Variants in DZIP3 observed in about 807,000 individuals in gnomAD.
DZIP3 encodes the protein E3 ubiquitin-protein ligase DZIP3.
A neutral mutation model predicts 162.0 loss-of-function variants in DZIP3; 118 were observed. The ratio of observed to expected loss-of-function variants is 0.73; its 90% CI spans 0.63 to 0.85. DZIP3 has a LOEUF of 0.85. Ranked by LOEUF, DZIP3 falls within the 40% of genes least tolerant of loss-of-function variation. DZIP3 has a pLI of 0.00. For synonymous variants in DZIP3, 438 were observed against 458.6 expected, an observed-to-expected ratio of 0.96 and a Z score of 0.57; for missense variants, 1,331 against 1,407.0, an observed-to-expected ratio of 0.95 and a Z score of 0.86.
chr3:108,653,637 A>G (rs948409903), intron 18 of DZIP3, among the ~76,000 whole-genome samples: 1 of 151,182 alleles, frequency 6.6e-6, no homozygotes. Flanking sequence ...TTCTGTTACA[A>G]AAGAAACCTC....
chr3:108,637,884 C>T (rs983580350), intron 12 of DZIP3, among the ~76,000 whole-genome samples: 12 of 152,160 alleles, frequency 7.9e-5, no homozygotes, highest in African/African-American at 2.7e-4. Flanking sequence ...GCTTGTCTTA[C>T]AATTAGAATC....
At chr3:108,620,936 C>G (rs1030701917) in intron 5 of DZIP3, among the ~76,000 whole-genome samples, 3 of 152,182 alleles carry the variant, frequency 2.0e-5, no homozygotes. Context: ...ATTCTTCTGC[C>G]TCAGCCTCCC....
At chr3:108,653,505 GTGTATATATATATA>G (rs1165352887) in intron 18 of DZIP3, among the ~76,000 whole-genome samples, 29 of 67,838 alleles carry the variant, frequency 4.3e-4, no homozygotes, top group African/African-American at 1.6e-3. Flanking sequence ...TTGTGTGTGT[GTGTATATATATATA>G]TATATATATA....
Position 108,653,231 on chromosome 3 carries a change from C to A in DZIP3, c.2034-914C>A, listed in dbSNP as rs78084600. The stretch of plus-strand genomic sequence containing the variant: ...AGTAATACCTAATTACTGCTTATAT[C>A]GTGTTTTATGAATTATTCCACAAGC... On this transcript the variant is annotated intron_variant, in intron 18 of 32. Coordinates refer to ENST00000361582, the MANE Select transcript of DZIP3 (RefSeq NM_014648.4). 6.9e-3 allele frequency among the ~76,000 whole-genome samples: 1,042 copies of A among 151,648 alleles called. 5 individuals are homozygous for A. Among genetic ancestry groups the A allele is most frequent in the African/African-American group, 0.024 (982 of 41,426 alleles).
chr3:108,592,106 G>C (rs1939456009), intron 1 of DZIP3, among the ~76,000 whole-genome samples: 1 of 152,128 alleles, frequency 6.6e-6, no homozygotes, highest in South Asian at 2.1e-4. Flanking sequence ...GGTCTAGTCA[G>C]GTTTGTTTTT....
chr3:108,662,609 C>A (rs1559768680), intron 21 of DZIP3, among the ~76,000 whole-genome samples: 2 of 152,140 alleles, frequency 1.3e-5, no homozygotes, highest in African/African-American at 2.4e-5. Flanking sequence ...CTTAAAGACA[C>A]CAAGGAATCA....
intron 8 of DZIP3, among the ~76,000 whole-genome samples, chr3:108,631,393 C>T (rs1941879193): frequency 1.3e-5 from 2 of 151,542 alleles, no homozygotes; most frequent in South Asian, 2.1e-4. Context: ...TTTTTCTTTT[C>T]GGAGACAGGT....
intron 18 of DZIP3, among the ~76,000 whole-genome samples, chr3:108,653,140 A>G (rs576740080): frequency 6.6e-6 from 1 of 152,034 alleles, no homozygotes; most frequent in South Asian, 2.1e-4. Flanking sequence ...TTGAGAATCA[A>G]TGGTCTACAC....
intron 32 of DZIP3, 184 bp downstream of exon 32, chr3:108,691,087 A>G (rs1044833697): frequency 1.3e-5 from 7 of 536,294 alleles, no homozygotes; most frequent in Non-Finnish European, 6.6e-6. Flanking sequence ...AGCTTGAAGC[A>G]GATGGAATTT....
At chr3:108,629,640 A>C (rs903728277) in intron 8 of DZIP3, among the ~76,000 whole-genome samples, 3 of 152,042 alleles carry the variant, frequency 2.0e-5, no homozygotes, top group South Asian at 4.1e-4. Flanking sequence ...ACACACACAT[A>C]TAAACACCAA....
At chr3:108,631,043 ACACACACACACACTCTCT>A (rs1484686023) in intron 8 of DZIP3, among the ~76,000 whole-genome samples, 3 of 90,244 alleles carry the variant, frequency 3.3e-5, no homozygotes, top group Non-Finnish European at 2.1e-5. Context: ...ACACACACAC[ACACACACACACACTCTCT>A]CTCTCTCTCT....
chr3:108,621,920 A>G (rs1412306910), intron 5 of DZIP3, among the ~76,000 whole-genome samples: 1 of 152,160 alleles, frequency 6.6e-6, no homozygotes, highest in East Asian at 1.9e-4. Context: ...AGTACTATTC[A>G]GCCATAAAAA....
chr3:108,677,727 C>A, intron 26 of DZIP3, 129 bp downstream of exon 26: 1 of 818,632 alleles, frequency 1.2e-6, no homozygotes, highest in Non-Finnish European at 2.1e-6. Context: ...GTGAGTATCA[C>A]TTGTAATTAT....
At chr3:108,687,542 G>A (rs1944540682) in intron 28 of DZIP3, among the ~76,000 whole-genome samples, 1 of 152,040 alleles carries the variant, frequency 6.6e-6, no homozygotes, top group Admixed American at 6.6e-5. Flanking sequence ...TTTTACGAAA[G>A]TACAACTATT....
intron 10 of DZIP3, chr3:108,635,483 T>C (rs1055967486): frequency 3.7e-5 from 6 of 163,390 alleles, no homozygotes; most frequent in Non-Finnish European, 7.6e-5. Context: ...TATGTAGTTA[T>C]AGATAATATA....
At chr3:108,687,875 A>G (rs1944550545) in intron 28 of DZIP3, 101 bp from the exon 29 acceptor site, 2 of 1,484,310 alleles carry the variant, frequency 1.3e-6, no homozygotes, top group Non-Finnish European at 1.9e-6. Flanking sequence ...TATGCTACAT[A>G]TCAATCATGC....
intron 12 of DZIP3, among the ~76,000 whole-genome samples, chr3:108,641,374 A>G (rs896385749): frequency 6.6e-6 from 1 of 152,062 alleles, no homozygotes; most frequent in Non-Finnish European, 1.5e-5. Flanking sequence ...CATTCTTACT[A>G]TTATAGTTGT....
chr3:108,670,573 T>G (rs1163617404), intron 22 of DZIP3, among the ~76,000 whole-genome samples: 1 of 151,998 alleles, frequency 6.6e-6, no homozygotes, highest in Non-Finnish European at 1.5e-5. Flanking sequence ...TTGGCTATTA[T>G]GAATACTGTT....
intron 8 of DZIP3, 29 bp from the exon 9 acceptor site, chr3:108,632,924 T>A (rs1275057577): frequency 8.0e-7 from 1 of 1,244,000 alleles, no homozygotes; most frequent in Admixed American, 2.7e-5. Context: ...TAGTAATTCA[T>A]GAGAATTCTT....
Sources: gnomAD v4.1 joint callset for allele counts (sites outside exome capture counted in the v4.1 genomes callset) on GRCh38, gnomAD v4.1.1 for gene constraint, MANE v1.5 for transcripts, NCBI Gene and HGNC (gene_info 2026-07-23, HGNC 2026-07-21) for gene names.